NRG2: variants seen among roughly 807,000 people sequenced by gnomAD.
The protein encoded by NRG2 is pro-neuregulin-2, membrane-bound isoform.
Under a neutral mutation model 73.9 loss-of-function variants are expected in NRG2, and 27 were observed. The ratio of observed to expected loss-of-function variants is 0.37; its 90% CI spans 0.27 to 0.50. The LOEUF (loss-of-function observed/expected upper bound fraction) is 0.50, where lower values mean the gene tolerates loss of function less well. NRG2 is among the 20% of genes least tolerant of loss of function. The pLI, the probability that NRG2 is intolerant of heterozygous loss-of-function variation, is 0.96. For synonymous variants in NRG2, 532 were observed against 541.0 expected (o/e 0.98, Z 0.23); for missense variants, 1,126 against 1,210.1 (o/e 0.93, Z 1.03).
intron 1 of NRG2, among the ~76,000 whole-genome samples, chr5:139,978,795 T>C (rs574596872): frequency 1.3e-5 from 2 of 152,160 alleles, no homozygotes; most frequent in East Asian, 3.9e-4. Flanking sequence ...ACTATGTTTA[T>C]TGCGGCACTA....
rs1439174316 is a variant in NRG2, at chr5:139,932,827, AG to A, written c.701-45317del. ...AAGTGTCAAGAAGAAAAAGAACTGAAGTAAACAGACATATTGGATGGTTAAA... is the reference window on the plus strand; with the variant it reads ...AAGTGTCAAGAAGAAAAAGAACTGAATAAACAGACATATTGGATGGTTAAA... On this transcript the variant is annotated intron_variant, in intron 1 of 9. Transcript: ENST00000361474. Among the ~76,000 whole-genome samples, 4 of 152,314 alleles carry A rather than the reference AG, an allele frequency of 2.6e-5. No homozygotes were observed. In the East Asian group the frequency reaches 7.7e-4, roughly 29 times the overall value.
chr5:139,952,075 T>G (rs566212169), intron 1 of NRG2, among the ~76,000 whole-genome samples: 1 of 152,376 alleles, frequency 6.6e-6, no homozygotes, highest in Admixed American at 6.5e-5. Context: ...CATACTTTCC[T>G]TGTGTGTAAA....
intron 3 of NRG2, among the ~76,000 whole-genome samples, chr5:139,878,091 C>T (rs1305672400): frequency 1.3e-5 from 2 of 152,256 alleles, no homozygotes; most frequent in African/African-American, 4.8e-5. Context: ...CCTCTGGCCA[C>T]AGGCCCCAAG....
intron 1 of NRG2, among the ~76,000 whole-genome samples, chr5:139,898,859 T>C (rs1764709865): frequency 6.6e-6 from 1 of 152,150 alleles, no homozygotes; most frequent in African/African-American, 2.4e-5. Context: ...TTTCCCCAAA[T>C]ATCCTGTTTC....
intron 1 of NRG2, among the ~76,000 whole-genome samples, chr5:139,938,799 T>G (rs1403741669): frequency 6.8e-6 from 1 of 147,692 alleles, no homozygotes; most frequent in East Asian, 2.0e-4. Context: ...AAAAGGATAA[T>G]CTTTTTAACA....
chr5:139,883,575 A>G (rs1460074463), intron 2 of NRG2, among the ~76,000 whole-genome samples: 3 of 152,020 alleles, frequency 2.0e-5, no homozygotes, highest in African/African-American at 7.3e-5. Context: ...GAGTGCTAGG[A>G]GGTAGGGGAG....
rs566599277 is a variant in NRG2 at position 139,962,655 on chromosome 5, C to T, written c.701-75144G>A. ...AAGTTACACAGGGGGCTTCTTCATC[C>T]TTCCCAAGCCCCAGAAGGCAGGGAG... On this transcript the variant is annotated intron_variant, in intron 1 of 9. Coordinates refer to ENST00000361474, the MANE Select transcript of NRG2 (RefSeq NM_004883.3). Among the ~76,000 whole-genome samples, 3 of 152,274 alleles carry T rather than the reference C, an allele frequency of 2.0e-5. No individual in the cohort carries two copies. In the South Asian group the frequency reaches 6.2e-4, roughly 32 times the overall value.
intron 1 of NRG2, among the ~76,000 whole-genome samples, chr5:139,902,392 G>A (rs1457949886): frequency 6.6e-6 from 1 of 152,180 alleles, no homozygotes; most frequent in Middle Eastern, 3.2e-3. Flanking sequence ...ACCTCTTCCT[G>A]CTATTTGCTA....
chr5:139,895,466 T>A (rs1764489718), intron 1 of NRG2, among the ~76,000 whole-genome samples: 1 of 152,204 alleles, frequency 6.6e-6, no homozygotes, highest in African/African-American at 2.4e-5. Context: ...TCAGTCTCCC[T>A]GGGTTCTTAG....
chr5:139,897,047 G>A (rs1269942711), intron 1 of NRG2, among the ~76,000 whole-genome samples: 2 of 152,052 alleles, frequency 1.3e-5, no homozygotes, highest in Non-Finnish European at 2.9e-5. Context: ...CCAAATCACC[G>A]ATTGCTCCCC....
intron 1 of NRG2, among the ~76,000 whole-genome samples, chr5:139,985,165 C>T (rs566381062): frequency 3.9e-5 from 6 of 151,930 alleles, no homozygotes; most frequent in African/African-American, 1.4e-4. Context: ...CATTGTGAAA[C>T]CCCGTCTCTA....
At chr5:139,980,117 A>G (rs1041501724) in intron 1 of NRG2, among the ~76,000 whole-genome samples, 2 of 151,826 alleles carry the variant, frequency 1.3e-5, no homozygotes, top group Non-Finnish European at 2.9e-5. Flanking sequence ...TCTTCCTCTT[A>G]CTCCCAGGAC....
At chr5:139,949,123 A>G (rs1344296669) in intron 1 of NRG2, among the ~76,000 whole-genome samples, 2 of 152,152 alleles carry the variant, frequency 1.3e-5, no homozygotes, top group Non-Finnish European at 2.9e-5. Flanking sequence ...TATAAAAATA[A>G]TCTCCTGTTT....
rs371189935 is a variant in NRG2, at chr5:139,887,542, G to A, written c.701-31C>T. 1.2e-5 allele frequency: 20 copies of A among 1,606,452 alleles called. No homozygotes were observed. Among genetic ancestry groups the A allele is most frequent in the African/African-American group, 6.7e-5 (5 of 74,866 alleles). ...GGTTACAAGGCAGGTAGGTGAGCAC[G>A]GTGGTGGTAGGGGCAGTGCCAAGCA... is the stretch of plus-strand genomic sequence containing the variant. On this transcript the variant is annotated intron_variant, in intron 1 of 9. Coordinates refer to ENST00000361474, the MANE Select transcript of NRG2 (RefSeq NM_004883.3). The surrounding 1 kb of genome is among the most constrained non-coding windows in gnomAD (Gnocchi z 4.5).
intron 2 of NRG2, among the ~76,000 whole-genome samples, chr5:139,886,625 T>C (rs1196950395): frequency 6.6e-6 from 1 of 152,136 alleles, no homozygotes; most frequent in Admixed American, 6.5e-5. Context: ...CCCCCTTGCT[T>C]CTCCTTGAGA....
At position 139,851,550 on chromosome 5, in the gene NRG2, AGT is replaced by A. The variant is rs939037260; in HGVS notation, c.1772+52_1772+53del. 6.4e-7 allele frequency: 1 copy of A among 1,562,032 alleles called. No individual in the cohort carries two copies. Among genetic ancestry groups the A allele is most frequent in the African/African-American group, 1.4e-5 (1 of 73,988 alleles). Reference sequence around the variant, plus strand: ...GGGCCCTAAGGGTCAGCCTTGGGCCAGTGGTGCCAGCCCTCTGGCTAAGCGGG... The same window carrying A: ...GGGCCCTAAGGGTCAGCCTTGGGCCAGGTGCCAGCCCTCTGGCTAAGCGGG... On this transcript the variant is annotated intron_variant, in intron 9 of 9. Transcript: ENST00000361474. This position sits in a 1 kb window ranked among gnomAD's most constrained non-coding sequence, Gnocchi z 4.2.
chr5:140,006,370 C>T (rs1447274637), intron 1 of NRG2, among the ~76,000 whole-genome samples: 1 of 152,212 alleles, frequency 6.6e-6, no homozygotes, highest in African/African-American at 2.4e-5. Context: ...CGTAACCATT[C>T]TGGAGGGCAA....
At chr5:139,883,802 G>A (rs1233633309) in intron 2 of NRG2, among the ~76,000 whole-genome samples, 4 of 152,298 alleles carry the variant, frequency 2.6e-5, no homozygotes, top group Admixed American at 2.0e-4. Flanking sequence ...ACTCACTGCT[G>A]AGAGCCCAGG....
rs563819318 is a variant in NRG2, at chr5:139,954,810, C to T, written c.701-67299G>A. Among the ~76,000 whole-genome samples the T allele has an allele frequency of 7.0e-4, 106 of 152,306 alleles. 1 individual carries two copies. In the South Asian group the frequency reaches 0.021, roughly 30 times the overall value. ...ATTGGGAGAGTAATAATGCCTACAT[C>T]GTAGGGTTTTTGTAAGGATAAATTA... On this transcript the variant is annotated intron_variant, in intron 1 of 9. Transcript: ENST00000361474. This position sits in a 1 kb window ranked among gnomAD's most constrained non-coding sequence, Gnocchi z 5.0.
Sources: gnomAD v4.1 joint callset for allele counts (sites outside exome capture counted in the v4.1 genomes callset) on GRCh38, gnomAD v4.1.1 for gene constraint, Gnocchi (gnomAD v3.1) non-coding constraint, MANE v1.5 for transcripts, NCBI Gene and HGNC (gene_info 2026-07-23, HGNC 2026-07-21) for gene names.